NLRP9: variants seen among roughly 807,000 people sequenced by gnomAD.
NLRP9 encodes NLR family pyrin domain containing 9.
In NLRP9, 88 loss-of-function variants were observed where a neutral mutation model predicts 83.1. The observed-to-expected ratio is 1.06, with a 90% CI of 0.89 to 1.26. The LOEUF is 1.26. NLRP9 is among the 50% of genes most tolerant of loss of function. The pLI, the probability that NLRP9 is intolerant of heterozygous loss-of-function variation, is 0.00. For synonymous variants in NLRP9, 521 were observed against 447.6 expected (o/e 1.16, Z -2.07); for missense variants, 1,308 against 1,179.3 (o/e 1.11, Z -1.60).
At chr19:55,725,347 T>C (rs1393751932) in intron 3 of NLRP9, among the ~76,000 whole-genome samples, 2 of 152,190 alleles carry the variant, frequency 1.3e-5, no homozygotes, top group African/African-American at 2.4e-5. Context: ...AATAAATACA[T>C]GACACACAGA....
In NLRP9 at chr19:55,708,819, A is replaced by G. The variant is rs1231299330; in HGVS notation, c.*93T>C. ...CCTCTGAAATCACAGCCCTGCTGCC[A>G]TGATGTGCAATTACAGGATAGAGGT... On this transcript the variant is annotated 3_prime_UTR_variant, in exon 9 of 9. Coordinates refer to ENST00000332836, the MANE Select transcript of NLRP9 (RefSeq NM_176820.4). 2 of 816,990 alleles carry G rather than the reference A, an allele frequency of 2.4e-6. No individual in the cohort carries two copies. The highest frequency in any genetic ancestry group is 3.7e-6 in the Non-Finnish European group (2 of 533,918). The allele number at this position is 816,990 out of a possible 1,614,324, so 50.6% of individuals were successfully genotyped here. A position where few individuals can be genotyped will look rare whatever the true frequency, so the allele number is the denominator to read the frequency against.
chr19:55,724,715 A>G (rs749120964), intron 3 of NLRP9, among the ~76,000 whole-genome samples: 5 of 152,036 alleles, frequency 3.3e-5, no homozygotes, highest in African/African-American at 1.2e-4. Context: ...TGGGCAAATG[A>G]CCTAATGGCT....
chr19:55,721,056 A>G (rs944403204), intron 4 of NLRP9, among the ~76,000 whole-genome samples: 1 of 152,226 alleles, frequency 6.6e-6, no homozygotes, highest in Non-Finnish European at 1.5e-5. Flanking sequence ...TTCATAGGCA[A>G]ATAATCTGGT....
At position 55,724,059 on chromosome 19, in the gene NLRP9, C is replaced by A. The variant is rs375031940; in HGVS notation, c.2080G>T (p.Gly694Cys). 2 of 1,613,624 alleles carry A rather than the reference C, an allele frequency of 1.2e-6. No individual in the cohort carries two copies. The highest frequency in any genetic ancestry group is 1.1e-5 in the South Asian group (1 of 91,066). The change falls in exon 4 of 9, where the codon GGC becomes TGC. Residue 694 changes from glycine (G) to cysteine (C), a missense_variant. Physicochemically the swap from Gly to Cys is radical, Grantham distance 159 (BLOSUM62 -3). Coordinates refer to ENST00000332836, the MANE Select transcript of NLRP9 (RefSeq NM_176820.4). The part of the protein sequence containing the change: ...NPHLKLLSLY[G>C]TSLSQSDIRH... ...ATGTCAGACTGGGAGAGGCTAGTGCCGTACAGGCTCAGAAGTTTCAGATGA... is the reference window on the plus strand; with the variant it reads ...ATGTCAGACTGGGAGAGGCTAGTGCAGTACAGGCTCAGAAGTTTCAGATGA...
chr19:55,712,481 T>C lies in NLRP9; in HGVS notation c.2611A>G (p.Thr871Ala). The stretch of plus-strand genomic sequence containing the variant: ...GCTGCACATAACTGTCTGACACCAG[T>C]GTCTCCTATTTCATTATGCCCAAGT... ...LKLGHNEIGD[T>A]GVRQLCAALQ... The change falls in exon 7 of 9, where the codon ACT becomes GCT. Residue 871 changes from threonine to alanine, a missense_variant. Transcript: ENST00000332836. 3.7e-6 allele frequency: 6 copies of C among 1,612,850 alleles called. No homozygotes were observed. The highest frequency in any genetic ancestry group is 1.1e-5 in the South Asian group (1 of 91,066).
At chr19:55,736,231 A>C (rs1988780917) in intron 1 of NLRP9, among the ~76,000 whole-genome samples, 1 of 151,982 alleles carries the variant, frequency 6.6e-6, no homozygotes, top group African/African-American at 2.4e-5. Flanking sequence ...CTCTACTAAA[A>C]ATACAAAAAA....
intron 5 of NLRP9, among the ~76,000 whole-genome samples, chr19:55,716,408 G>A (rs767886099): frequency 3.3e-5 from 5 of 151,800 alleles, no homozygotes; most frequent in Non-Finnish European, 7.4e-5. Context: ...ATGGGCATGC[G>A]CCACCACACC....
intron 8 of NLRP9, chr19:55,711,455 T>C (rs1259550360): frequency 1.5e-6 from 2 of 1,309,112 alleles, no homozygotes; most frequent in Non-Finnish European, 2.0e-6. Context: ...GAGCTGGCGT[T>C]GCATATTTAT....
intron 3 of NLRP9, among the ~76,000 whole-genome samples, chr19:55,728,647 C>T (rs374636474): frequency 6.6e-6 from 1 of 152,216 alleles, no homozygotes. Flanking sequence ...AGCAAACAGG[C>T]CTTTCTCGAG....
At chr19:55,734,135 G>C (rs1358518519) in intron 1 of NLRP9, among the ~76,000 whole-genome samples, 1 of 151,478 alleles carries the variant, frequency 6.6e-6, no homozygotes, top group South Asian at 2.1e-4. Context: ...GTGTTAGCCA[G>C]GATGGTCTCG....
At chr19:55,714,918 G>T (rs1987946951) in intron 6 of NLRP9, 137 bp downstream of exon 6, 1 of 742,216 alleles carries the variant, frequency 1.3e-6, no homozygotes, top group Non-Finnish European at 2.2e-6. Context: ...TCAGCCTGGG[G>T]GTGAGGACCC....
Position 55,731,980 on chromosome 19 carries a change from G to GA in NLRP9, c.1832+18dup, listed in dbSNP as rs768726826. 1 of 1,464,996 alleles carries GA rather than the reference G, an allele frequency of 6.8e-7. No homozygotes were observed. Among genetic ancestry groups the GA allele is most frequent in the African/African-American group, 1.4e-5 (1 of 70,946 alleles). 90.7% of individuals were successfully genotyped at this position (1,464,996 alleles called of 1,614,324 possible). The stretch of plus-strand genomic sequence containing the variant: ...TCCAAGTGTAGTGTGTGGGACGGGG[G>GA]ATTAATAGACAGACTCACTCTGAGA... On this transcript the variant is annotated intron_variant, in intron 2 of 8. Transcript: ENST00000332836.
intron 4 of NLRP9, among the ~76,000 whole-genome samples, chr19:55,717,104 G>A (rs1988054002): frequency 6.6e-6 from 1 of 150,588 alleles, no homozygotes; most frequent in South Asian, 2.1e-4. Context: ...TGCGATCTCG[G>A]CTCACCGCAA....
chr19:55,734,878 GC>G (rs1048513612), intron 1 of NLRP9, among the ~76,000 whole-genome samples: 17 of 151,926 alleles, frequency 1.1e-4, no homozygotes, highest in East Asian at 7.7e-4. Context: ...CAGGTGATCT[GC>G]CCTCCTCGGC....
In NLRP9 at chr19:55,729,874, A is replaced by G. The variant is rs1299499847; in HGVS notation, c.1951T>C (p.Cys651Arg). ...SLDDPSLAIL[C>R]KALAQPVCKL... ...CAAACAGGCTGAGCCAGCGCTTTGC[A>G]AAGAATCGCCAGGGAGGGATCATCG... is the stretch of plus-strand genomic sequence containing the variant. The change falls in exon 3 of 9, where the codon TGC becomes CGC. Residue 651 changes from cysteine (C) to arginine (R), a missense_variant. Cys to Arg is a radical substitution (Grantham distance 180). Coordinates refer to ENST00000332836, the MANE Select transcript of NLRP9 (RefSeq NM_176820.4). The G allele has an allele frequency of 3.1e-6, 5 of 1,613,902 alleles. No homozygotes were observed. The highest frequency in any genetic ancestry group is 2.2e-5 in the South Asian group (2 of 91,060).
At chr19:55,711,556 CT>C in intron 8 of NLRP9, 2 of 1,111,534 alleles carry the variant, frequency 1.8e-6, no homozygotes, top group Middle Eastern at 2.0e-4. Flanking sequence ...TTCTGGAGCT[CT>C]TTTTGATTGT....
chr19:55,734,151 C>A (rs1988706752), intron 1 of NLRP9, among the ~76,000 whole-genome samples: 1 of 151,638 alleles, frequency 6.6e-6, no homozygotes, highest in Non-Finnish European at 1.5e-5. Context: ...TCTCGATCTC[C>A]TGACCTCATG....
Position 55,733,409 on chromosome 19 carries a change from G to A in NLRP9, c.422C>T (p.Ala141Val), listed in dbSNP as rs1421415346. ...GACCACAGTGTGTCGTCTAGCCGCA[G>A]CAGTATATGCGTCATTCAATTCTTT... ...EYKELNDAYT[A>V]AARRHTVVLE... Residue 141 changes from alanine to valine, a missense_variant, in exon 2 of 9, where the codon GCT (alanine) becomes GTT (valine). Ala to Val is a moderately conservative substitution (Grantham distance 64, BLOSUM62 0). Transcript: ENST00000332836. 1 of 1,614,020 alleles carries A rather than the reference G, an allele frequency of 6.2e-7. No homozygotes were observed. Among genetic ancestry groups the A allele is most frequent in the East Asian group, 2.2e-5 (1 of 44,882 alleles).
At chr19:55,716,995 C>A (rs1224472284) in intron 4 of NLRP9, 97 bp from the exon 5 acceptor site, 3 of 892,218 alleles carry the variant, frequency 3.4e-6, no homozygotes, top group African/African-American at 1.7e-5. Context: ...TCTAGTCTTG[C>A]ACCTGCCGAT....
Sources: gnomAD v4.1 joint callset for allele counts (sites outside exome capture counted in the v4.1 genomes callset) on GRCh38, gnomAD v4.1.1 for gene constraint, MANE v1.5 for transcripts, NCBI Gene and HGNC (gene_info 2026-07-23, HGNC 2026-07-21) for gene names.